Variants in NRDC observed in about 807,000 individuals in gnomAD.
The protein encoded by NRDC is nardilysin convertase.
NRDC carries 54 observed loss-of-function variants against 147.1 expected under a neutral mutation model. The ratio of observed to expected loss-of-function variants is 0.37; its 90% CI spans 0.29 to 0.46. The LOEUF is 0.46. NRDC is among the 20% of genes least tolerant of loss of function. NRDC has a pLI of 1.00. For synonymous variants in NRDC, 440 were observed against 482.1 expected (o/e 0.91, Z 1.14); for missense variants, 1,082 against 1,370.6 (o/e 0.79, Z 3.33).
chr1:51,792,599 A>G (rs1162286887), intron 24 of NRDC, among the ~76,000 whole-genome samples, 175 bp from the exon 25 acceptor site: 2 of 152,214 alleles, frequency 1.3e-5, no homozygotes, highest in Non-Finnish European at 2.9e-5. Flanking sequence ...CTGAAGGTCT[A>G]TGAGGACAGG....
At chr1:51,872,721 A>G (rs1683139897) in intron 1 of NRDC, among the ~76,000 whole-genome samples, 1 of 152,206 alleles carries the variant, frequency 6.6e-6, no homozygotes. Flanking sequence ...ACAAAACAAA[A>G]TAAGGAAATC....
intron 4 of NRDC, among the ~76,000 whole-genome samples, chr1:51,832,552 T>C (rs1362567839): frequency 3.9e-5 from 6 of 152,188 alleles, no homozygotes; most frequent in Non-Finnish European, 8.8e-5. Flanking sequence ...TACATTATAC[T>C]AGACAAACGT....
intron 28 of NRDC, 120 bp from the exon 29 acceptor site, chr1:51,790,769 G>C (rs1571832364): frequency 2.1e-6 from 2 of 955,574 alleles, no homozygotes; most frequent in Non-Finnish European, 3.3e-6. Context: ...CACGGATGAA[G>C]CTAGGGAGAC....
intron 20 of NRDC, among the ~76,000 whole-genome samples, chr1:51,801,681 A>G (rs995685781): frequency 1.3e-5 from 2 of 152,194 alleles, no homozygotes; most frequent in Non-Finnish European, 2.9e-5. Context: ...TAAAACAATA[A>G]CAGAATAATA....
At chr1:51,867,729 T>G (rs1415175524) in intron 1 of NRDC, among the ~76,000 whole-genome samples, 1 of 152,196 alleles carries the variant, frequency 6.6e-6, no homozygotes, top group Admixed American at 6.5e-5. Context: ...ATTGGTGACC[T>G]TGAACTAGCT....
chr1:51,846,561 C>T (rs1045226483), intron 1 of NRDC, among the ~76,000 whole-genome samples: 4 of 152,224 alleles, frequency 2.6e-5, no homozygotes, highest in Admixed American at 6.5e-5. Flanking sequence ...TTTGTTCTTT[C>T]CAATGTTCGG....
chr1:51,800,015 T>G (rs1203006790), intron 21 of NRDC, among the ~76,000 whole-genome samples: 1 of 152,238 alleles, frequency 6.6e-6, no homozygotes, highest in Non-Finnish European at 1.5e-5. Context: ...ATCTCTGTCA[T>G]GCAGGTTGGT....
At chr1:51,828,614 C>T (rs940373172) in intron 4 of NRDC, among the ~76,000 whole-genome samples, 1 of 151,478 alleles carries the variant, frequency 6.6e-6, no homozygotes, top group South Asian at 2.1e-4. Flanking sequence ...TACATAATAG[C>T]AATGCAATTA....
intron 14 of NRDC, 108 bp from the exon 15 acceptor site, chr1:51,812,206 C>A (rs1313299219): frequency 1.3e-6 from 1 of 749,716 alleles, no homozygotes; most frequent in Non-Finnish European, 2.2e-6. Flanking sequence ...AAACCAAAAG[C>A]TTCTGAACAG....
At chr1:51,837,609 G>C in intron 2 of NRDC, 1 of 1,528,742 alleles carries the variant, frequency 6.5e-7, no homozygotes, top group Non-Finnish European at 8.9e-7. Context: ...GCAAAAACAG[G>C]CTCTGCAATT....
At chr1:51,867,435 G>A (rs1682869997) in intron 1 of NRDC, among the ~76,000 whole-genome samples, 1 of 152,100 alleles carries the variant, frequency 6.6e-6, no homozygotes, top group South Asian at 2.1e-4. Flanking sequence ...AAACATGGAG[G>A]TAGGAAAACA....
intron 29 of NRDC, 101 bp downstream of exon 29, chr1:51,790,432 A>T: frequency 1.3e-6 from 1 of 783,644 alleles, no homozygotes; most frequent in Admixed American, 2.0e-5. Context: ...TAGTGTTTCG[A>T]GTTTCTCTTC....
chr1:51,877,737 G>GTT (rs914929611), intron 1 of NRDC, among the ~76,000 whole-genome samples: 1 of 152,102 alleles, frequency 6.6e-6, no homozygotes, highest in Non-Finnish European at 1.5e-5. Flanking sequence ...TCGCCCAACC[G>GTT]TTTTGGTAAT....
chr1:51,836,144 G>A lies in NRDC; in HGVS notation c.699C>T (p.His233=), dbSNP rs1392232286. ...ACAAATTCTTACTGTGCTCCAAAAA[G>A]TGTGCCAGCCCCGGCAGGTCATCTG... The part of the protein sequence containing the change: ...ADPDDLPGLA[H]FLEHMVFMGS... Residue 233 remains histidine (H), a synonymous_variant, in exon 3 of 31, where the codon CAC becomes CAT. Transcript: ENST00000352171. 5 of 1,613,928 alleles carry A rather than the reference G, an allele frequency of 3.1e-6. No individual in the cohort carries two copies. In the African/African-American group the frequency reaches 6.7e-5, roughly 22 times the overall value.
chr1:51,824,067 A>G lies in NRDC; in HGVS notation c.1037-281T>C, dbSNP rs563269002. Among the ~76,000 whole-genome samples the G allele has an allele frequency of 7.2e-5, 11 of 152,182 alleles. No homozygotes were observed. In the South Asian group the frequency reaches 2.3e-3, roughly 32 times the overall value. ...AGCTTCCTTGCTTAATAATTAGTCT[A>G]GCAGTATTCAATCCAGGTTCTTTCT... On this transcript the variant is annotated intron_variant, in intron 6 of 30. Transcript: ENST00000352171.
At chr1:51,870,742 ACTAT>A (rs528316047) in intron 1 of NRDC, among the ~76,000 whole-genome samples, 2 of 152,064 alleles carry the variant, frequency 1.3e-5, no homozygotes, top group African/African-American at 2.4e-5. Flanking sequence ...TCACCTCACA[ACTAT>A]CTAAGAATCT....
chr1:51,814,279 AC>A, intron 13 of NRDC, 190 bp from the exon 14 acceptor site: 1 of 579,566 alleles, frequency 1.7e-6, no homozygotes, highest in Non-Finnish European at 3.1e-6. Context: ...CTGCACATAT[AC>A]CCCTGAACCT....
chr1:51,863,488 TAA>T (rs1682654286), intron 1 of NRDC, among the ~76,000 whole-genome samples: 1 of 152,196 alleles, frequency 6.6e-6, no homozygotes, highest in South Asian at 2.1e-4. Flanking sequence ...AAACAGCATT[TAA>T]GTCATTTCAA....
chr1:51,837,166 T>C (rs921749006), intron 2 of NRDC, among the ~76,000 whole-genome samples: 2 of 152,206 alleles, frequency 1.3e-5, no homozygotes, highest in African/African-American at 4.8e-5. Context: ...GAAAGGCGAA[T>C]TATTAACTTT....
Sources: allele counts gnomAD v4.1 joint callset (sites outside exome capture counted in the v4.1 genomes callset), GRCh38; gene constraint gnomAD v4.1.1; transcripts MANE v1.5; gene names NCBI Gene and HGNC (gene_info 2026-07-23, HGNC 2026-07-21).